The following SCAPER variants were observed in gnomAD, a reference collection of about 807,000 sequenced individuals.
The protein encoded by SCAPER is S-phase cyclin A associated protein in the ER.
A neutral mutation model predicts 182.2 loss-of-function variants in SCAPER; 98 were observed. The ratio of observed to expected loss-of-function variants is 0.54; its 90% CI spans 0.46 to 0.64. The LOEUF (loss-of-function observed/expected upper bound fraction) is 0.64, where lower values mean the gene tolerates loss of function less well. Ranked by LOEUF, SCAPER falls within the 30% of genes least tolerant of loss-of-function variation. The pLI is 0.00. For synonymous variants in SCAPER, 605 were observed against 564.6 expected, an observed-to-expected ratio of 1.07 and a Z score of -1.01; for missense variants, 1,432 against 1,690.0, an observed-to-expected ratio of 0.85 and a Z score of 2.68.
At chr15:76,350,649 C>T (rs976783842) in intron 31 of SCAPER, 23 of 152,080 alleles carry the variant, frequency 1.5e-4, no homozygotes, top group African/African-American at 5.6e-4. Context: ...GGTAAAAATT[C>T]TACATCTCTA....
chr15:76,612,857 T>C (rs181122308), intron 22 of SCAPER, among the ~76,000 whole-genome samples: 1 of 152,326 alleles, frequency 6.6e-6, no homozygotes, highest in East Asian at 1.9e-4. Flanking sequence ...CAAAGCAGTT[T>C]ACTAAATTCA....
chr15:76,559,376 G>A (rs2046435124), intron 23 of SCAPER, among the ~76,000 whole-genome samples: 1 of 151,786 alleles, frequency 6.6e-6, no homozygotes, highest in Admixed American at 6.6e-5. Flanking sequence ...GGTTTTATAA[G>A]GGGCTCTTTC....
chr15:76,472,567 T>G (rs1273884740), intron 24 of SCAPER, among the ~76,000 whole-genome samples: 1 of 152,162 alleles, frequency 6.6e-6, no homozygotes, highest in Non-Finnish European at 1.5e-5. Flanking sequence ...GGTTTCAACA[T>G]GTTGGCCAGG....
At chr15:76,355,659 C>T (rs2040906305) in intron 29 of SCAPER, among the ~76,000 whole-genome samples, 1 of 152,236 alleles carries the variant, frequency 6.6e-6, no homozygotes, top group Non-Finnish European at 1.5e-5. Context: ...TTACACTGGC[C>T]AGCCTGGCTG....
intron 17 of SCAPER, among the ~76,000 whole-genome samples, chr15:76,715,926 C>T (rs1461197866): frequency 6.6e-6 from 1 of 152,110 alleles, no homozygotes; most frequent in Non-Finnish European, 1.5e-5. Flanking sequence ...CCTGAAGTCC[C>T]AGGTGCTACA....
chr15:76,753,820 T>C lies in SCAPER; in HGVS notation c.1854A>G (p.Glu618=), dbSNP rs535436547. 8.7e-6 allele frequency: 14 copies of C among 1,612,554 alleles called. No homozygotes were observed. The African/African-American group carries it at 1.1e-4, about 12-fold the overall frequency. The change falls in exon 15 of 32, where the codon GAA becomes GAG. Residue 618 remains glutamate (E), a synonymous_variant. Coordinates refer to ENST00000563290, the MANE Select transcript of SCAPER (RefSeq NM_020843.4). The part of the protein sequence containing the change: ...QLQAIVKKAQ[E]EEAKVNEIAF... ...TCTTATGATATACCTTAGCTTCTTC[T>C]TCTTGTGCTTTTTTCACAATTGCTT...
At chr15:76,465,684 T>G (rs572823343) in intron 25 of SCAPER, among the ~76,000 whole-genome samples, 12 of 152,302 alleles carry the variant, frequency 7.9e-5, no homozygotes, top group Admixed American at 7.9e-4. Context: ...TGTTTTAATT[T>G]GGAGTTTTTT....
chr15:76,460,022 G>A (rs770707164), intron 25 of SCAPER, among the ~76,000 whole-genome samples: 1 of 152,002 alleles, frequency 6.6e-6, no homozygotes, highest in African/African-American at 2.4e-5. Flanking sequence ...CTCTTCCATC[G>A]ATCTGTATGG....
chr15:76,652,514 T>TACACAC (rs1197105259), intron 21 of SCAPER, among the ~76,000 whole-genome samples: 6 of 63,356 alleles, frequency 9.5e-5, no homozygotes, highest in Admixed American at 4.4e-4. Context: ...TATATTTACA[T>TACACAC]ACATACACAC....
intron 17 of SCAPER, among the ~76,000 whole-genome samples, chr15:76,716,285 G>A (rs185319947): frequency 9.2e-5 from 14 of 152,048 alleles, no homozygotes; most frequent in East Asian, 5.8e-4. Context: ...ACACCCAAGC[G>A]GTACCCTCAG....
In SCAPER at chr15:76,376,209, C is replaced by T. The variant is rs1158648968; in HGVS notation, c.3808G>A (p.Val1270Ile). 1.2e-6 allele frequency: 2 copies of T among 1,613,910 alleles called. No homozygotes were observed. The highest frequency in any genetic ancestry group is 1.3e-5 in the African/African-American group (1 of 74,922). ...GTGAAGTAGCCCACACAGACGATGA[C>T]CTCATGAAGGAGGCTTTCACAGGAG... is the stretch of plus-strand genomic sequence containing the variant. ...QVSCESLLHEVIVCVGYFTVN... is the reference protein window; with the variant it reads ...QVSCESLLHEIIVCVGYFTVN... The change falls in exon 29 of 32, where the codon GTC becomes ATC. Residue 1270 changes from valine (V) to isoleucine (I), a missense_variant. Val to Ile is a conservative substitution (Grantham distance 29). Transcript: ENST00000563290.
intron 26 of SCAPER, among the ~76,000 whole-genome samples, chr15:76,428,866 C>CTATATATATATATATATATACA (rs2046630262): frequency 1.3e-5 from 1 of 79,954 alleles, no homozygotes; most frequent in Non-Finnish European, 2.3e-5. Context: ...GATCATTATA[C>CTATATATATATATATATATACA]TATATATATA....
At chr15:76,680,944 A>G (rs905045791) in intron 20 of SCAPER, among the ~76,000 whole-genome samples, 2 of 152,224 alleles carry the variant, frequency 1.3e-5, no homozygotes, top group Non-Finnish European at 2.9e-5. Context: ...ATTGAAGACT[A>G]CATGAAGACA....
intron 2 of SCAPER, among the ~76,000 whole-genome samples, chr15:76,879,172 C>T (rs961995695): frequency 1.3e-5 from 2 of 152,192 alleles, no homozygotes; most frequent in Non-Finnish European, 2.9e-5. Context: ...CACCAAGCTC[C>T]ATCCTAATTC....
intron 23 of SCAPER, among the ~76,000 whole-genome samples, chr15:76,524,689 G>GT (rs35944222): frequency 0.028 from 1,403 of 50,124 alleles, 96 homozygotes; most frequent in East Asian, 0.06. Flanking sequence ...TTTTTGTTCT[G>GT]TTTTTTTTTT....
intron 5 of SCAPER, among the ~76,000 whole-genome samples, chr15:76,821,505 C>T (rs1176208786): frequency 2.0e-5 from 3 of 152,234 alleles, no homozygotes; most frequent in East Asian, 3.9e-4. Flanking sequence ...GCCTGTAGTC[C>T]CAGCTACTAG....
intron 21 of SCAPER, among the ~76,000 whole-genome samples, chr15:76,647,886 A>G (rs1325131800): frequency 6.6e-6 from 1 of 152,198 alleles, no homozygotes; most frequent in African/African-American, 2.4e-5. Context: ...CTAGGATTAA[A>G]GGTTACTCTA....
intron 23 of SCAPER, among the ~76,000 whole-genome samples, chr15:76,546,035 G>A (rs186646171): frequency 5.3e-5 from 8 of 152,184 alleles, no homozygotes; most frequent in East Asian, 1.9e-4. Flanking sequence ...CATCCAGAAC[G>A]CACAGAAGAA....
intron 29 of SCAPER, among the ~76,000 whole-genome samples, chr15:76,375,759 G>T (rs1043192146): frequency 1.3e-5 from 2 of 152,230 alleles, no homozygotes; most frequent in African/African-American, 4.8e-5. Flanking sequence ...AAGGCAGGCA[G>T]ATCACCTGAG....
Sources: gnomAD v4.1 joint callset for allele counts (sites outside exome capture counted in the v4.1 genomes callset) on GRCh38, gnomAD v4.1.1 for gene constraint, MANE v1.5 for transcripts, NCBI Gene and HGNC (gene_info 2026-07-23, HGNC 2026-07-21) for gene names.